The following SYT1 variants were observed in gnomAD, a reference collection of about 807,000 sequenced individuals.
SYT1 encodes synaptotagmin 1.
SYT1 carries 8 observed loss-of-function variants against 44.8 expected under a neutral mutation model. The observed-to-expected ratio is 0.18, with a 90% CI of 0.10 to 0.32. The LOEUF (loss-of-function observed/expected upper bound fraction) is 0.32, where lower values mean the gene tolerates loss of function less well. Among genes scored for constraint, SYT1 ranks in the 10% least tolerant of loss-of-function variants. The probability of loss-of-function intolerance (pLI) is 1.00; values close to 1 mark genes in which losing one functional copy is unlikely to be tolerated. For synonymous variants in SYT1, 154 were observed against 188.8 expected (o/e 0.82, Z 1.51); for missense variants, 286 against 509.3 (o/e 0.56, Z 4.22).
At chr12:79,180,200 C>T (rs1872436496) in intron 3 of SYT1, among the ~76,000 whole-genome samples, 1 of 69,646 alleles carries the variant, frequency 1.4e-5, no homozygotes, top group African/African-American at 8.2e-5. Flanking sequence ...ATAACCAAAC[C>T]ATTATTTCTT....
intron 1 of SYT1, among the ~76,000 whole-genome samples, chr12:78,878,850 A>G (rs1233356785): frequency 6.6e-6 from 1 of 151,730 alleles, no homozygotes; most frequent in African/African-American, 2.4e-5. Context: ...TGATTTACAT[A>G]GTCATTCAAA....
chr12:79,398,884 T>G (rs927385331), intron 9 of SYT1, among the ~76,000 whole-genome samples: 2 of 152,146 alleles, frequency 1.3e-5, no homozygotes, highest in African/African-American at 4.8e-5. Context: ...AGTAATTCCT[T>G]TTACAGTATT....
At chr12:79,241,716 GATA>G (rs1374566997) in intron 4 of SYT1, among the ~76,000 whole-genome samples, 1 of 152,214 alleles carries the variant, frequency 6.6e-6, no homozygotes, top group Non-Finnish European at 1.5e-5. Context: ...CTCAAAAGTA[GATA>G]ATGTGTGCTG....
At chr12:79,272,717 A>C (rs1490736837) in intron 4 of SYT1, among the ~76,000 whole-genome samples, 1 of 152,242 alleles carries the variant, frequency 6.6e-6, no homozygotes, top group Non-Finnish European at 1.5e-5. Context: ...ATGGGAAGAT[A>C]ACCAAGGGGC....
At chr12:78,922,707 A>G (rs1358726009) in intron 1 of SYT1, among the ~76,000 whole-genome samples, 1 of 151,900 alleles carries the variant, frequency 6.6e-6, no homozygotes, top group Admixed American at 6.6e-5. Context: ...AGATGGACAC[A>G]TGCTGTATAT....
intron 1 of SYT1, among the ~76,000 whole-genome samples, chr12:78,965,999 C>A (rs1879750275): frequency 1.3e-5 from 2 of 151,626 alleles, no homozygotes; most frequent in African/African-American, 4.8e-5. Context: ...ATCGCTTGAA[C>A]CCGGGCGGCA....
At chr12:78,991,931 A>G (rs1870047820) in intron 2 of SYT1, among the ~76,000 whole-genome samples, 1 of 152,144 alleles carries the variant, frequency 6.6e-6, no homozygotes, top group Admixed American at 6.6e-5. Context: ...ATGAAGAGCT[A>G]TTATTTCCTG....
At chr12:79,012,724 T>A (rs1417210649) in intron 2 of SYT1, among the ~76,000 whole-genome samples, 1 of 152,166 alleles carries the variant, frequency 6.6e-6, no homozygotes, top group Non-Finnish European at 1.5e-5. Context: ...TACAAACAAG[T>A]GTTCAATGCT....
chr12:78,910,911 AG>A (rs1565713090), intron 1 of SYT1, among the ~76,000 whole-genome samples: 1 of 151,980 alleles, frequency 6.6e-6, no homozygotes, highest in Non-Finnish European at 1.5e-5. Flanking sequence ...GAGAATGAAA[AG>A]TCCCCTGTAT....
intron 1 of SYT1, among the ~76,000 whole-genome samples, chr12:78,876,037 A>C (rs760996677): frequency 6.6e-6 from 1 of 151,654 alleles, no homozygotes; most frequent in Non-Finnish European, 1.5e-5. Context: ...TATCACATTC[A>C]TGACACTTGT....
chr12:78,954,253 T>G (rs1879106390), intron 1 of SYT1, among the ~76,000 whole-genome samples: 1 of 152,118 alleles, frequency 6.6e-6, no homozygotes, highest in South Asian at 2.1e-4. Context: ...ACTCAGTATA[T>G]CCAGAAGTCA....
chr12:79,034,136 C>T (rs1232488009), intron 2 of SYT1, among the ~76,000 whole-genome samples: 5 of 151,492 alleles, frequency 3.3e-5, no homozygotes, highest in Non-Finnish European at 5.9e-5. Flanking sequence ...TCATGCTGTT[C>T]AGGCAAAAGC....
chr12:79,132,824 A>G (rs889114895), intron 3 of SYT1, among the ~76,000 whole-genome samples: 1 of 152,274 alleles, frequency 6.6e-6, no homozygotes, highest in South Asian at 2.1e-4. Flanking sequence ...ACTATTCACA[A>G]TAGCCAAGAT....
intron 8 of SYT1, among the ~76,000 whole-genome samples, chr12:79,312,516 TAAA>T (rs1565903761): frequency 6.6e-6 from 1 of 151,982 alleles, no homozygotes; most frequent in East Asian, 1.9e-4. Context: ...TCCCTTTTGA[TAAA>T]AGAACAAAAA....
rs141206737 is a variant in SYT1 at position 78,980,112 on chromosome 12, C to A, written c.-84+2181C>A. On this transcript the variant is annotated intron_variant, in intron 2 of 10. Coordinates refer to ENST00000261205, the MANE Select transcript of SYT1 (RefSeq NM_005639.3). ...TCTTAATAAGAATATTTTCTCAGTG[C>A]GGCAAGTAAGACATGTTTGCCAATT... is the stretch of plus-strand genomic sequence containing the variant. Among the ~76,000 whole-genome samples the A allele has an allele frequency of 5.9e-3, 902 of 151,956 alleles. 8 individuals are homozygous for A. Among genetic ancestry groups the A allele is most frequent in the Non-Finnish European group, 0.011 (733 of 67,932 alleles).
chr12:78,980,904 T>G (rs1221584097), intron 2 of SYT1, among the ~76,000 whole-genome samples: 1 of 151,874 alleles, frequency 6.6e-6, no homozygotes, highest in East Asian at 1.9e-4. Flanking sequence ...TGAACAGTAT[T>G]CTCCTGAGCC....
In SYT1 at chr12:79,212,366, G is replaced by A. The variant is rs1874510095; in HGVS notation, c.-17-5137G>A. Among the ~76,000 whole-genome samples, 3 of 152,154 alleles carry A rather than the reference G, an allele frequency of 2.0e-5. No homozygotes were observed. The South Asian group carries it at 6.2e-4, about 32-fold the overall frequency. On this transcript the variant is annotated intron_variant, in intron 3 of 10. Coordinates refer to ENST00000261205, the MANE Select transcript of SYT1 (RefSeq NM_005639.3). ...TCACACACCCGGACCTTTCAGGGGT[G>A]GGAGGCAAGGGGAGGGAGAGCATTA... is the stretch of plus-strand genomic sequence containing the variant.
intron 3 of SYT1, 132 bp from the exon 4 acceptor site, chr12:79,217,371 T>C: frequency 1.5e-6 from 1 of 676,976 alleles, no homozygotes; most frequent in Non-Finnish European, 2.2e-6. Context: ...CACAAAGCAA[T>C]ATGCTAATGA....
chr12:79,340,732 G>A (rs1882330506), intron 8 of SYT1, among the ~76,000 whole-genome samples: 1 of 152,120 alleles, frequency 6.6e-6, no homozygotes, highest in Admixed American at 6.6e-5. Context: ...TGCCCATTAG[G>A]GGGTGAAACA....
Sources: allele counts gnomAD v4.1 joint callset (sites outside exome capture counted in the v4.1 genomes callset), GRCh38; gene constraint gnomAD v4.1.1; transcripts MANE v1.5; gene names NCBI Gene and HGNC (gene_info 2026-07-23, HGNC 2026-07-21).